CARNMT1: variants seen among roughly 807,000 people sequenced by gnomAD.
CARNMT1 encodes the protein protein-L-histidine N-pros-methyltransferase CARNMT1.
Under a neutral mutation model 49.6 loss-of-function variants are expected in CARNMT1, and 28 were observed. That is an observed-to-expected ratio of 0.56 (90% CI 0.42 to 0.77). The LOEUF (loss-of-function observed/expected upper bound fraction) is 0.77. Among genes scored for constraint, CARNMT1 ranks in the 30% least tolerant of loss-of-function variants. The pLI, the probability that CARNMT1 is intolerant of heterozygous loss-of-function variation, is 0.00. For missense variants in CARNMT1, 421 were observed against 512.6 expected (o/e 0.82, Z 1.73); for synonymous variants, 178 against 175.0 (o/e 1.02, Z -0.13).
chr9:75,018,968 TA>T (rs35324700), intron 1 of CARNMT1, among the ~76,000 whole-genome samples: 14,260 of 74,762 alleles, frequency 0.19, 662 homozygotes, highest in East Asian at 0.34. Flanking sequence ...CTCCATCTCA[TA>T]AAAAAAAAAA....
chr9:75,028,095 C>CGCCGCCGCT lies in CARNMT1; in HGVS notation c.138_146dup (p.Ala48_Ala50dup). ...CCTCCTCCTCGGTGCTGCGCGTGGC[C>CGCCGCCGCT]GCCGCCGCTGCCGCCGAAACCGCCG... On this transcript the variant is annotated inframe_insertion, in exon 1 of 8. Transcript: ENST00000376834. 6.4e-7 allele frequency: 1 copy of CGCCGCCGCT among 1,553,330 alleles called. No individual in the cohort carries two copies. The highest frequency in any genetic ancestry group is 8.7e-7 in the Non-Finnish European group (1 of 1,151,502).
chr9:75,013,616 C>G (rs1833762978), intron 3 of CARNMT1, among the ~76,000 whole-genome samples: 1 of 151,708 alleles, frequency 6.6e-6, no homozygotes, highest in African/African-American at 2.4e-5. Flanking sequence ...GACAGCATAG[C>G]TATTTCCAGG....
At chr9:75,007,778 C>T (rs1410684363) in intron 3 of CARNMT1, among the ~76,000 whole-genome samples, 1 of 146,322 alleles carries the variant, frequency 6.8e-6, no homozygotes. Context: ...TTCTTCAACA[C>T]GATAAAGGGT....
At chr9:75,021,227 CTATA>C (rs909288881) in intron 1 of CARNMT1, among the ~76,000 whole-genome samples, 19 of 145,204 alleles carry the variant, frequency 1.3e-4, no homozygotes, top group African/African-American at 4.1e-4. Flanking sequence ...GTTCAATATA[CTATA>C]TAGAGTATAT....
At chr9:75,025,419 C>T (rs1463713080) in intron 1 of CARNMT1, among the ~76,000 whole-genome samples, 1 of 152,180 alleles carries the variant, frequency 6.6e-6, no homozygotes, top group East Asian at 1.9e-4. Context: ...TAATTTTATG[C>T]AACTAAGATT....
At chr9:74,999,606 T>C in intron 4 of CARNMT1, 124 bp downstream of exon 4, 1 of 754,490 alleles carries the variant, frequency 1.3e-6, no homozygotes, top group Non-Finnish European at 2.0e-6. Context: ...ATAAGACACA[T>C]TTGTGATATA....
intron 1 of CARNMT1, among the ~76,000 whole-genome samples, chr9:75,018,289 C>G (rs1833909118): frequency 6.6e-6 from 1 of 152,080 alleles, no homozygotes; most frequent in African/African-American, 2.4e-5. Flanking sequence ...GTCTCAAACT[C>G]CGGGGCTCAA....
chr9:74,988,971 T>C (rs547199577), intron 6 of CARNMT1, among the ~76,000 whole-genome samples: 1 of 152,380 alleles, frequency 6.6e-6, no homozygotes, highest in African/African-American at 2.4e-5. Context: ...CATCTCACTG[T>C]ACTTACCTAA....
intron 3 of CARNMT1, among the ~76,000 whole-genome samples, chr9:75,005,057 G>GA (rs1278261398): frequency 1.3e-5 from 2 of 152,004 alleles, no homozygotes; most frequent in Non-Finnish European, 2.9e-5. Context: ...CATTCACTTG[G>GA]AAAAATTTTT....
At position 75,007,754 on chromosome 9, in the gene CARNMT1, A is replaced by AC. The variant is rs1319970734; in HGVS notation, c.591-7885_591-7884insG. ...AAAAAAATAAAAATAATAAAAAAAA[A>AC]AAAACTAAGAAAATTCTTCAACACG... On this transcript the variant is annotated intron_variant, in intron 3 of 7. Coordinates refer to ENST00000376834, the MANE Select transcript of CARNMT1 (RefSeq NM_152420.3). Among the ~76,000 whole-genome samples the AC allele has an allele frequency of 2.7e-5, 4 of 150,822 alleles. No individual in the cohort carries two copies. In the East Asian group the frequency reaches 5.8e-4, roughly 22 times the overall value.
rs56068455 is a variant in CARNMT1 at position 74,983,251 on chromosome 9, G to GAA, written c.*514_*515dup. ...GACAGAGCGGGATCCTGTCTCTGAA[G>GAA]AAAAAAAAAAAAAAAGACATATTTT... On this transcript the variant is annotated 3_prime_UTR_variant, in exon 8 of 8. Transcript: ENST00000376834. 1.2e-3 allele frequency: 147 copies of GAA among 120,740 alleles called. No individual in the cohort carries two copies. Among genetic ancestry groups the GAA allele is most frequent in the Non-Finnish European group, 1.1e-3 (63 of 57,678 alleles). 7.5% of individuals were successfully genotyped at this position (120,740 alleles called of 1,614,324 possible).
chr9:74,987,783 C>T (rs1832888833), intron 6 of CARNMT1, among the ~76,000 whole-genome samples: 1 of 151,556 alleles, frequency 6.6e-6, no homozygotes, highest in South Asian at 2.1e-4. Context: ...TCAATTATAT[C>T]TCCAAAAAAA....
intron 1 of CARNMT1, chr9:75,027,049 T>A (rs1205249487): frequency 7.7e-7 from 1 of 1,302,594 alleles, no homozygotes; most frequent in African/African-American, 1.5e-5. Flanking sequence ...GGGAACAGGT[T>A]TACCTGCGTA....
Position 75,020,720 on chromosome 9 carries a change from A to C in CARNMT1, c.231-3272T>G, listed in dbSNP as rs531022361. 9.2e-5 allele frequency among the ~76,000 whole-genome samples: 14 copies of C among 152,284 alleles called. No homozygotes were observed. In the East Asian group the frequency reaches 1.9e-3, roughly 21 times the overall value. On this transcript the variant is annotated intron_variant, in intron 1 of 7. Coordinates refer to ENST00000376834, the MANE Select transcript of CARNMT1 (RefSeq NM_152420.3). ...GAACTTCAGAAGAAGCTCCTGACAA[A>C]CAACCAAAAACCTGGCTGGTCGCGT...
rs1832981445 is a variant in CARNMT1 at position 74,990,587 on chromosome 9, CCT to C, written c.1025-5579_1025-5578del. Among the ~76,000 whole-genome samples the C allele has an allele frequency of 2.0e-5, 3 of 152,228 alleles. No individual in the cohort carries two copies. The South Asian group carries it at 6.2e-4, about 32-fold the overall frequency. ...ACGGACATATACATATATTTCCTAC[CCT>C]GTTTGCCAAAAAGGCCTAGACAAAA... is the stretch of plus-strand genomic sequence containing the variant. On this transcript the variant is annotated intron_variant, in intron 6 of 7. Transcript: ENST00000376834.
At chr9:74,989,329 G>A (rs936514679) in intron 6 of CARNMT1, among the ~76,000 whole-genome samples, 1 of 152,016 alleles carries the variant, frequency 6.6e-6, no homozygotes, top group Non-Finnish European at 1.5e-5. Flanking sequence ...TGCCCAGGCT[G>A]GTCTAGAAAT....
intron 6 of CARNMT1, among the ~76,000 whole-genome samples, chr9:74,991,933 G>T (rs1334964881): frequency 6.6e-6 from 1 of 152,022 alleles, no homozygotes; most frequent in Non-Finnish European, 1.5e-5. Context: ...ATGAGGAAAG[G>T]GCTGTATGTG....
chr9:75,017,995 A>C (rs955728144), intron 1 of CARNMT1, among the ~76,000 whole-genome samples: 1 of 152,198 alleles, frequency 6.6e-6, no homozygotes, highest in Non-Finnish European at 1.5e-5. Flanking sequence ...AACGAACCCA[A>C]AGGTCACTTT....
In CARNMT1 at chr9:74,982,879, T is replaced by C. The variant is rs1189173500; in HGVS notation, c.*888A>G. 2 of 152,210 alleles carry C rather than the reference T, an allele frequency of 1.3e-5. No individual in the cohort carries two copies. Among genetic ancestry groups the C allele is most frequent in the Non-Finnish European group, 2.9e-5 (2 of 68,026 alleles). 9.4% of individuals were successfully genotyped at this position (152,210 alleles called of 1,614,324 possible). A position where few individuals can be genotyped will look rare whatever the true frequency, so the allele number is the denominator to read the frequency against. ...TCACTTTGAATGTTGAGATCTCGTA[T>C]ATTTCAAAGTGATCCATGATGAGTA... On this transcript the variant is annotated 3_prime_UTR_variant, in exon 8 of 8. Coordinates refer to ENST00000376834, the MANE Select transcript of CARNMT1 (RefSeq NM_152420.3).
Sources: gnomAD v4.1 joint callset for allele counts (sites outside exome capture counted in the v4.1 genomes callset) on GRCh38, gnomAD v4.1.1 for gene constraint, MANE v1.5 for transcripts, NCBI Gene and HGNC (gene_info 2026-07-23, HGNC 2026-07-21) for gene names.